A2M: variants seen among roughly 807,000 people sequenced by gnomAD.
A2M encodes the protein alpha-2-macroglobulin.
A neutral mutation model predicts 183.9 loss-of-function variants in A2M; 128 were observed. The ratio of observed to expected loss-of-function variants is 0.70; its 90% CI spans 0.60 to 0.81. A2M has a LOEUF of 0.81. Among genes scored for constraint, A2M ranks in the 30% least tolerant of loss-of-function variants. A2M has a pLI of 0.00. For missense variants in A2M, 1,495 were observed against 1,787.6 expected (o/e 0.84, Z 2.95); for synonymous variants, 592 against 670.8 (o/e 0.88, Z 1.81).
At chr12:9,115,547 C>A in intron 1 of A2M, 1 of 470,750 alleles carries the variant, frequency 2.1e-6, no homozygotes, top group Non-Finnish European at 3.8e-6. Flanking sequence ...TCTGACACCC[C>A]TTAGGAAGGC....
intron 29 of A2M, 53 bp downstream of exon 29, chr12:9,074,505 ATT>A (rs1415669371): frequency 3.5e-5 from 53 of 1,497,504 alleles, no homozygotes; most frequent in Non-Finnish European, 4.3e-5. Flanking sequence ...TTTCTTTTTC[ATT>A]CAAATCTTTT....
At chr12:9,084,665 G>A (rs1216594097) in intron 22 of A2M, among the ~76,000 whole-genome samples, 1 of 152,126 alleles carries the variant, frequency 6.6e-6, no homozygotes, top group Non-Finnish European at 1.5e-5. Flanking sequence ...GTAGTACCAA[G>A]TCATTTTTAA....
intron 25 of A2M, 35 bp from the exon 26 acceptor site, chr12:9,077,892 T>C (rs1300560219): frequency 9.3e-6 from 15 of 1,613,634 alleles, no homozygotes; most frequent in Non-Finnish European, 1.2e-5. Context: ...ATGTTTATGT[T>C]GTCAAAATGG....
chr12:9,094,340 CAT>C (rs59647548), intron 17 of A2M, among the ~76,000 whole-genome samples: 16,119 of 96,774 alleles, frequency 0.17, 996 homozygotes, highest in South Asian at 0.19. Context: ...AAAAATTGTG[CAT>C]ATATATATAT....
intron 8 of A2M, 148 bp from the exon 9 acceptor site, chr12:9,106,753 T>G: frequency 2.1e-6 from 1 of 468,488 alleles, no homozygotes. Flanking sequence ...CTCTAGCAAC[T>G]AAATATTAAA....
Position 9,101,137 on chromosome 12 carries a change from TACTC to T in A2M, c.1558+3_1558+6del. ...GGCAGCAATGCAGAGATGATGGAAA[TACTC>T]ACTGTCTTCCTGCTTCACAAGCAGT... On this transcript the variant is annotated splice_donor_5th_base_variant and intron_variant, in intron 13 of 35. Coordinates refer to ENST00000318602, the MANE Select transcript of A2M (RefSeq NM_000014.6). The T allele has an allele frequency of 1.3e-6, 2 of 1,557,620 alleles. No individual in the cohort carries two copies. The highest frequency in any genetic ancestry group is 2.4e-5 in the East Asian group (1 of 41,602).
At position 9,099,384 on chromosome 12, in the gene A2M, G is replaced by C; in HGVS notation, c.1698C>G (p.Asn566Lys). ...AKYDVENCLA[N>K]KVDLSFSPSQ... is the part of the protein sequence containing the mutation. ...TTTTATGATCTAAAACACACACCTTGTTGGCCAGACAATTTTCAACATCAT... is the reference window on the plus strand; with the variant it reads ...TTTTATGATCTAAAACACACACCTTCTTGGCCAGACAATTTTCAACATCAT... Residue 566 changes from asparagine to lysine, a missense_variant, in exon 14 of 36, where the codon AAC (asparagine) becomes AAG (lysine). Transcript: ENST00000318602. 1 of 1,555,242 alleles carries C rather than the reference G, an allele frequency of 6.4e-7. No individual in the cohort carries two copies. The highest frequency in any genetic ancestry group is 1.7e-4 in the Middle Eastern group (1 of 5,996).
intron 9 of A2M, 55 bp downstream of exon 9, chr12:9,106,436 G>A (rs1938291182): frequency 5.6e-6 from 8 of 1,431,402 alleles, no homozygotes; most frequent in South Asian, 1.2e-5. Context: ...TCATTATTTG[G>A]CTAAGAAAAT....
chr12:9,067,709 A>C lies in A2M; in HGVS notation c.*114T>G, dbSNP rs1948435134. On this transcript the variant is annotated 3_prime_UTR_variant, in exon 36 of 36. Coordinates refer to ENST00000318602, the MANE Select transcript of A2M (RefSeq NM_000014.6). ...TTGAATGAACAGGAAACAGGGAAAG[A>C]CATTGACCAGAAAAAGTGTTTATTC... 1.1e-6 allele frequency: 1 copy of C among 872,118 alleles called. No homozygotes were observed. Among genetic ancestry groups the C allele is most frequent in the Admixed American group, 2.0e-5 (1 of 50,460 alleles). 54.0% of individuals were successfully genotyped at this position (872,118 alleles called of 1,614,324 possible).
At chr12:9,091,516 C>T (rs1031958682) in intron 18 of A2M, 87 bp from the exon 19 acceptor site, 8 of 1,388,016 alleles carry the variant, frequency 5.8e-6, no homozygotes, top group Non-Finnish European at 7.9e-6. Context: ...GATTCTACTG[C>T]CATGACTTAA....
Position 9,080,147 on chromosome 12 carries a change from T to A in A2M, c.2801A>T (p.Lys934Ile), listed in dbSNP as rs200673507. Residue 934 changes from lysine to isoleucine, a missense_variant, in exon 23 of 36, where the codon AAA becomes ATA. Lys to Ile is a moderately radical substitution (Grantham distance 102). Transcript: ENST00000318602. ...GGEVSEELSLKLPPNVVEESA... is the reference protein window; with the variant it reads ...GGEVSEELSLILPPNVVEESA... ...TTCTTCTACCACATTTGGTGGCAGT[T>A]TCAGGGATAATTCTTCAGAAACCTC... The A allele has an allele frequency of 1.3e-4, 201 of 1,588,270 alleles. No homozygotes were observed. In the African/African-American group the frequency reaches 2.5e-3, roughly 20 times the overall value.
chr12:9,105,987 A>C (rs980259517), intron 10 of A2M, among the ~76,000 whole-genome samples: 2 of 152,190 alleles, frequency 1.3e-5, no homozygotes, highest in African/African-American at 4.8e-5. Context: ...GAAGGGGGGA[A>C]AACTCTACTA....
intron 25 of A2M, among the ~76,000 whole-genome samples, chr12:9,079,015 C>T (rs973543542): frequency 2.0e-5 from 3 of 151,716 alleles, no homozygotes; most frequent in African/African-American, 7.3e-5. Flanking sequence ...GAAAGAAAAC[C>T]TTGGTACATT....
At chr12:9,073,789 T>C (rs1592331515) in intron 29 of A2M, among the ~76,000 whole-genome samples, 1 of 152,116 alleles carries the variant, frequency 6.6e-6, no homozygotes, top group Non-Finnish European at 1.5e-5. Context: ...TGTTTGTGTA[T>C]TAAGAGGTGA....
Position 9,072,412 on chromosome 12 carries a change from T to C in A2M, c.4050A>G (p.Gln1350=). ...PFALGVQTLP[Q]TCDEPKAHTS... Reference sequence around the variant, plus strand: ...TGTGGGCTTTGGGTTCATCACAAGTTTGAGGCAGAGTCTGCACTCCTAAAG... The same window carrying C: ...TGTGGGCTTTGGGTTCATCACAAGTCTGAGGCAGAGTCTGCACTCCTAAAG... Residue 1350 remains glutamine (Q), a synonymous_variant, in exon 31 of 36, where the codon CAA becomes CAG. Coordinates refer to ENST00000318602, the MANE Select transcript of A2M (RefSeq NM_000014.6). 6.2e-7 allele frequency: 1 copy of C among 1,613,946 alleles called. No homozygotes were observed.
Position 9,068,208 on chromosome 12 carries a change from A to G in A2M, c.4383T>C (p.Ala1461=). The part of the protein sequence containing the change: ...DYYETDEFAI[A]EYNAPCSKDL... ...CTTTGCTGCAAGGAGCATTGTACTC[A>G]GCAATTGCAAACTCATCTGAAAAAA... The change falls in exon 35 of 36, where the codon GCT becomes GCC. Residue 1461 remains alanine (A), a synonymous_variant. Coordinates refer to ENST00000318602, the MANE Select transcript of A2M (RefSeq NM_000014.6). The G allele has an allele frequency of 6.2e-7, 1 of 1,611,212 alleles. No individual in the cohort carries two copies. The highest frequency in any genetic ancestry group is 2.2e-5 in the East Asian group (1 of 44,870).
intron 23 of A2M, 120 bp from the exon 24 acceptor site, chr12:9,079,935 C>CTA: frequency 2.7e-6 from 3 of 1,096,604 alleles, no homozygotes; most frequent in Non-Finnish European, 2.5e-6. Flanking sequence ...ATGATTCTTC[C>CTA]AGGGATAGAA....
At chr12:9,079,462 A>C in intron 24 of A2M, 131 bp from the exon 25 acceptor site, 1 of 1,138,100 alleles carries the variant, frequency 8.8e-7, no homozygotes, top group Non-Finnish European at 1.3e-6. Flanking sequence ...GGAGTTTCTG[A>C]GCCTTAAATA....
At position 9,074,555 on chromosome 12, in the gene A2M, C is replaced by G; in HGVS notation, c.3756+5G>C. On this transcript the variant is annotated splice_donor_5th_base_variant and intron_variant, in intron 29 of 35. Coordinates refer to ENST00000318602, the MANE Select transcript of A2M (RefSeq NM_000014.6). ...TGAAATAAAAGGTTTTGGCAAATCA[C>G]CAACCTGGGTGGAGGAGAAACCGCC... 1 of 1,603,710 alleles carries G rather than the reference C, an allele frequency of 6.2e-7. No homozygotes were observed. The highest frequency in any genetic ancestry group is 8.5e-7 in the Non-Finnish European group (1 of 1,174,450).
Sources: allele counts gnomAD v4.1 joint callset (sites outside exome capture counted in the v4.1 genomes callset), GRCh38; gene constraint gnomAD v4.1.1; transcripts MANE v1.5; gene names NCBI Gene and HGNC (gene_info 2026-07-23, HGNC 2026-07-21).